The following KANK1 variants were observed in gnomAD, a reference collection of about 807,000 sequenced individuals.
KANK1 encodes KN motif and ankyrin repeat domains 1, also known as KN motif and ankyrin repeat domain-containing protein 1.
A neutral mutation model predicts 106.2 loss-of-function variants in KANK1; 109 were observed. That is an observed-to-expected ratio of 1.03 (90% CI 0.88 to 1.20). The LOEUF is 1.20. Ranked by LOEUF, KANK1 falls within the 50% of genes most tolerant of loss-of-function variation. KANK1 has a pLI of 0.00. For synonymous variants in KANK1, 873 were observed against 652.2 expected, an observed-to-expected ratio of 1.34 and a Z score of -5.16; for missense variants, 2,399 against 1,710.7, an observed-to-expected ratio of 1.40 and a Z score of -7.10.
At chr9:575,245 A>G (rs1329854297) in intron 1 of KANK1, among the ~76,000 whole-genome samples, 1 of 152,250 alleles carries the variant, frequency 6.6e-6, no homozygotes, top group East Asian at 1.9e-4. Context: ...TAATTTGGAG[A>G]TAAGCTCCAC....
intron 1 of KANK1, among the ~76,000 whole-genome samples, chr9:583,028 C>T (rs914557668): frequency 6.6e-6 from 1 of 152,054 alleles, no homozygotes; most frequent in Non-Finnish European, 1.5e-5. Context: ...AAAGATATGT[C>T]ATAGAGGAAG....
In KANK1 at chr9:730,210, T is replaced by G; in HGVS notation, c.2858T>G (p.Val953Gly). The G allele has an allele frequency of 6.2e-7, 1 of 1,614,186 alleles. No homozygotes were observed. Among genetic ancestry groups the G allele is most frequent in the Non-Finnish European group, 8.5e-7 (1 of 1,180,022 alleles). ...FPTQEGTLSPVNLTDDQIAAG... is the reference protein window; with the variant it reads ...FPTQEGTLSPGNLTDDQIAAG... ...ACTCAGGAAGGTACGCTGTCTCCAG[T>G]GAACCTGACAGACGACCAGATCGCC... Residue 953 changes from valine (V) to glycine (G), a missense_variant, in exon 4 of 12, where the codon GTG becomes GGG. Val to Gly is a moderately radical substitution (Grantham distance 109). Transcript: ENST00000382297.
chr9:621,006 T>C (rs1222988138), intron 1 of KANK1, among the ~76,000 whole-genome samples: 1 of 152,146 alleles, frequency 6.6e-6, no homozygotes, highest in African/African-American at 2.4e-5. Flanking sequence ...ATTTATTATC[T>C]CCCATCTGAT....
chr9:582,429 C>A (rs1016547930), intron 1 of KANK1, among the ~76,000 whole-genome samples: 3 of 152,108 alleles, frequency 2.0e-5, no homozygotes, highest in African/African-American at 7.2e-5. Flanking sequence ...CCTTTTCTGG[C>A]AATGGGTAGT....
At chr9:736,615 C>G (rs1166379361) in intron 7 of KANK1, among the ~76,000 whole-genome samples, 1 of 151,868 alleles carries the variant, frequency 6.6e-6, no homozygotes, top group Non-Finnish European at 1.5e-5. Context: ...AAGAAGATAG[C>G]TGGAGGCCCA....
intron 2 of KANK1, among the ~76,000 whole-genome samples, chr9:684,989 T>C (rs1398390988): frequency 6.6e-6 from 1 of 152,232 alleles, no homozygotes; most frequent in Non-Finnish European, 1.5e-5. Context: ...TTTATAAGAT[T>C]CATTCAAACA....
At chr9:655,483 A>G (rs534607411) in intron 1 of KANK1, among the ~76,000 whole-genome samples, 3 of 152,154 alleles carry the variant, frequency 2.0e-5, no homozygotes, top group South Asian at 4.1e-4. Context: ...TAAAGGTTAA[A>G]CCAGTGCTCC....
At chr9:675,720 A>G (rs956232425) in intron 1 of KANK1, among the ~76,000 whole-genome samples, 3 of 152,176 alleles carry the variant, frequency 2.0e-5, no homozygotes, top group African/African-American at 7.2e-5. Context: ...CTCTCACAAG[A>G]AGGAATTAGA....
At chr9:687,007 G>A (rs1405048768) in intron 2 of KANK1, 1 of 821,268 alleles carries the variant, frequency 1.2e-6, no homozygotes, top group Non-Finnish European at 1.5e-6. Context: ...ATGAGACTTT[G>A]CAGATACTGC....
intron 1 of KANK1, among the ~76,000 whole-genome samples, chr9:552,908 G>T (rs998383862): frequency 1.3e-5 from 2 of 152,218 alleles, no homozygotes; most frequent in Non-Finnish European, 2.9e-5. Context: ...ACTTTGGGAA[G>T]CCAAGGCAAG....
chr9:727,714 GTGTA>G (rs1234707971), intron 3 of KANK1, among the ~76,000 whole-genome samples: 322 of 150,216 alleles, frequency 2.1e-3, no homozygotes, highest in African/African-American at 4.4e-3. Flanking sequence ...GTGTGTGTGT[GTGTA>G]TGTGTGTGTG....
chr9:612,394 G>A (rs1414076994), intron 1 of KANK1, among the ~76,000 whole-genome samples: 3 of 152,218 alleles, frequency 2.0e-5, no homozygotes, highest in African/African-American at 7.2e-5. Context: ...TAGTTCAACA[G>A]TATGTAGGCC....
intron 1 of KANK1, among the ~76,000 whole-genome samples, chr9:669,443 A>G (rs569689231): frequency 6.6e-6 from 1 of 152,302 alleles, no homozygotes; most frequent in Admixed American, 6.5e-5. Flanking sequence ...GAAAAAGACT[A>G]TCTCTCCTTC....
intron 3 of KANK1, among the ~76,000 whole-genome samples, chr9:481,677 A>G (rs1227194906): frequency 2.0e-5 from 3 of 152,148 alleles, no homozygotes; most frequent in African/African-American, 7.2e-5. Context: ...GAGCCACAGA[A>G]TAGGCAAGGC....
chr9:730,237 C>T lies in KANK1; in HGVS notation c.2885C>T (p.Ala962Val), dbSNP rs1554713996. Residue 962 changes from alanine (A) to valine (V), a missense_variant, in exon 4 of 12, where the codon GCT (alanine) becomes GTT (valine). Ala to Val is a moderately conservative substitution (Grantham distance 64). Transcript: ENST00000382297. ...PVNLTDDQIA[A>V]GLYACTNNES... Reference sequence around the variant, plus strand: ...AACCTGACAGACGACCAGATCGCCGCTGGCCTCTATGGTAACTTTTCTCAC... The same window carrying T: ...AACCTGACAGACGACCAGATCGCCGTTGGCCTCTATGGTAACTTTTCTCAC... 2 of 1,614,222 alleles carry T rather than the reference C, an allele frequency of 1.2e-6. No homozygotes were observed. Among genetic ancestry groups the T allele is most frequent in the Middle Eastern group, 3.3e-4 (2 of 6,062 alleles).
At chr9:630,954 C>A (rs375603402) in intron 1 of KANK1, among the ~76,000 whole-genome samples, 4 of 151,470 alleles carry the variant, frequency 2.6e-5, no homozygotes, top group Non-Finnish European at 5.9e-5. Context: ...GACTCTGTCT[C>A]AAAAAACAAA....
chr9:675,592 T>C (rs1588818973), intron 1 of KANK1, among the ~76,000 whole-genome samples: 1 of 152,186 alleles, frequency 6.6e-6, no homozygotes, highest in East Asian at 1.9e-4. Context: ...TAAATAGAAA[T>C]ATCAATGCAA....
intron 1 of KANK1, among the ~76,000 whole-genome samples, chr9:564,282 T>G (rs1243435442): frequency 6.6e-6 from 1 of 151,908 alleles, no homozygotes; most frequent in Non-Finnish European, 1.5e-5. Context: ...AGGATGGTCT[T>G]GACCTCCTGA....
chr9:520,269 G>A (rs2059485552), intron 1 of KANK1, among the ~76,000 whole-genome samples: 1 of 151,790 alleles, frequency 6.6e-6, no homozygotes, highest in Non-Finnish European at 1.5e-5. Flanking sequence ...GCCTGGGGAG[G>A]TTAAGGCTGT....
Sources: gnomAD v4.1 joint callset for allele counts (sites outside exome capture counted in the v4.1 genomes callset) on GRCh38, gnomAD v4.1.1 for gene constraint, MANE v1.5 for transcripts, NCBI Gene and HGNC (gene_info 2026-07-23, HGNC 2026-07-21) for gene names.